ABCA2: variants seen among roughly 807,000 people sequenced by gnomAD.
ABCA2 encodes ATP-binding cassette sub-family A member 2.
In ABCA2, 84 loss-of-function variants were observed where a neutral mutation model predicts 262.8. The ratio of observed to expected loss-of-function variants is 0.32; its 90% confidence interval spans 0.27 to 0.38. The LOEUF (loss-of-function observed/expected upper bound fraction) is 0.38. Among genes scored for constraint, ABCA2 ranks in the 10% least tolerant of loss-of-function variants. The pLI is 1.00. For synonymous variants in ABCA2, 1,696 were observed against 1,502.9 expected, an observed-to-expected ratio of 1.13 and a Z score of -2.97; for missense variants, 2,662 against 3,405.9, an observed-to-expected ratio of 0.78 and a Z score of 5.44.
At position 137,018,203 on chromosome 9, in the gene ABCA2, G is replaced by A; in HGVS notation, c.1968C>T (p.Phe656=). The stretch of plus-strand genomic sequence containing the variant: ...CCTGGATCCAGACGAAGCCGTAGAG[G>A]AAGTAGAAGCGGCCGCCAGTATTGG... ...PGPNTGGRFY[F]LYGFVWIQDM... The change falls in exon 14 of 49, where the codon TTC becomes TTT. Residue 656 remains phenylalanine, a synonymous_variant. Coordinates refer to ENST00000341511, the MANE Select transcript of ABCA2 (RefSeq NM_001606.5). The A allele has an allele frequency of 6.2e-7, 1 of 1,611,842 alleles. No individual in the cohort carries two copies. Among genetic ancestry groups the A allele is most frequent in the South Asian group, 1.1e-5 (1 of 91,050 alleles).
chr9:137,012,196 G>GCCCCAGCTCCT (rs1831075412), intron 33 of ABCA2, 34 bp from the exon 34 acceptor site: 1 of 1,609,286 alleles, frequency 6.2e-7, no homozygotes, highest in Non-Finnish European at 8.5e-7. Context: ...GCAGCTTCAG[G>GCCCCAGCTCCT]CCCCAGCTCC....
chr9:137,021,694 C>G lies in ABCA2; in HGVS notation c.679-84G>C. 1 of 1,431,678 alleles carries G rather than the reference C, an allele frequency of 7.0e-7. No individual in the cohort carries two copies. Among genetic ancestry groups the G allele is most frequent in the Non-Finnish European group, 9.5e-7 (1 of 1,056,858 alleles). 88.7% of individuals were successfully genotyped at this position (1,431,678 alleles called of 1,614,324 possible). ...GGCCTCAGGCCTCACCCTGCCCCAC[C>G]CACTGGCTGGCTCTGGGGCTGCCTG... On this transcript the variant is annotated intron_variant, in intron 7 of 48. Transcript: ENST00000341511. The surrounding 1 kb of genome is among the most constrained non-coding windows in gnomAD (Gnocchi z 6.0).
At chr9:137,007,995 C>A in intron 48 of ABCA2, 31 bp from the exon 49 acceptor site, 4 of 1,593,620 alleles carry the variant, frequency 2.5e-6, no homozygotes, top group Non-Finnish European at 3.4e-6. Context: ...GCTTATGGGG[C>A]ATCCTGTGCC....
intron 20 of ABCA2, 28 bp downstream of exon 20, chr9:137,016,546 C>T (rs1233680465): frequency 1.2e-6 from 2 of 1,612,236 alleles, no homozygotes; most frequent in South Asian, 2.2e-5. Flanking sequence ...AGCGCCCACC[C>T]CAGCCACCAT....
In ABCA2 at chr9:137,022,734, C is replaced by T; in HGVS notation, c.407G>A (p.Gly136Asp). ...TCTGTCCAGGTGGCTCCCCGAGGTG[C>T]CCGGGCCCGCACTGAGGGCCTCCAG... ...QHLEALSAGP[G>D]TSGSHLDRST... The change falls in exon 5 of 49, where the codon GGC becomes GAC. Residue 136 changes from glycine to aspartate, a missense_variant. Coordinates refer to ENST00000341511, the MANE Select transcript of ABCA2 (RefSeq NM_001606.5). The T allele has an allele frequency of 6.2e-7, 1 of 1,605,956 alleles. No individual in the cohort carries two copies. Among genetic ancestry groups the T allele is most frequent in the Non-Finnish European group, 8.5e-7 (1 of 1,178,188 alleles).
At position 137,015,411 on chromosome 9, in the gene ABCA2, G is replaced by A. The variant is rs1031453615; in HGVS notation, c.3697+3C>T. 1 of 1,558,042 alleles carries A rather than the reference G, an allele frequency of 6.4e-7. No homozygotes were observed. The highest frequency in any genetic ancestry group is 8.7e-7 in the Non-Finnish European group (1 of 1,152,238). On this transcript the variant is annotated splice_donor_region_variant and intron_variant, in intron 24 of 48. Transcript: ENST00000341511. ...AGCCAGCTCAGGCAGCTTCAACACAGACCTTGGGGGCCCCCCGGCTCGGCG... is the reference window on the plus strand; with the variant it reads ...AGCCAGCTCAGGCAGCTTCAACACAAACCTTGGGGGCCCCCCGGCTCGGCG...
At chr9:137,020,519 G>T (rs772777568) in intron 9 of ABCA2, 24 bp from the exon 10 acceptor site, 2 of 1,566,794 alleles carry the variant, frequency 1.3e-6, no homozygotes, top group South Asian at 2.3e-5. Context: ...CAGGGGGCCG[G>T]GCCAGGCCGT....
rs759052439 is a variant in ABCA2, at chr9:137,008,449, C to T, written c.7242G>A (p.Glu2414=). 2 of 1,556,670 alleles carry T rather than the reference C, an allele frequency of 1.3e-6. No individual in the cohort carries two copies. Among genetic ancestry groups the T allele is most frequent in the Middle Eastern group, 3.3e-4 (2 of 6,002 alleles). Residue 2414 remains glutamate, a synonymous_variant, in exon 48 of 49, where the codon GAG becomes GAA. Transcript: ENST00000341511. Reference sequence around the variant, plus strand: ...CCTCGAAGCTGATGAGGCCCTCGTCCTCCGTGTCCAGGTCCTCGGGCTCGT... The same window carrying T: ...CCTCGAAGCTGATGAGGCCCTCGTCTTCCGTGTCCAGGTCCTCGGGCTCGT... ...VADEPEDLDT[E]DEGLISFEEE...
At chr9:137,025,407 C>T (rs1239610437) in intron 1 of ABCA2, among the ~76,000 whole-genome samples, 1 of 152,208 alleles carries the variant, frequency 6.6e-6, no homozygotes. Flanking sequence ...GCACCCAGCT[C>T]GGAGGCATCC....
chr9:137,018,909 C>T lies in ABCA2; in HGVS notation c.1716G>A (p.Met572Ile). 4 of 1,612,478 alleles carry T rather than the reference C, an allele frequency of 2.5e-6. No homozygotes were observed. In the East Asian group the frequency reaches 8.9e-5, roughly 36 times the overall value. ...CGGAGGCCCCACCGCTCACCTTGGA[C>T]ATGAACTGGATCCAGCCGCAGGCCG... ...DNAACGWIQFMSKVSVDIFKG... is the reference protein window; with the variant it reads ...DNAACGWIQFISKVSVDIFKG... Residue 572 changes from methionine (M) to isoleucine (I), a missense_variant, in exon 12 of 49, where the codon ATG becomes ATA. By Grantham distance (10) the Met-to-Ile change is conservative. This residue lies in a region of ABCA2 where 187 missense variants were observed against 205.9 expected (regional missense o/e 0.91). Transcript: ENST00000341511.
At position 137,022,029 on chromosome 9, in the gene ABCA2, T is replaced by TGGGGGTGTGGCTCAGAC. The variant is rs374729318; in HGVS notation, c.568-29_568-28insGTCTGAGCCACACCCCC. 3 of 1,188,016 alleles carry TGGGGGTGTGGCTCAGAC rather than the reference T, an allele frequency of 2.5e-6. 1 individual carries two copies. The highest frequency in any genetic ancestry group is 1.4e-5 in the South Asian group (1 of 73,908). The allele number at this position is 1,188,016 out of a possible 1,614,324, so 73.6% of individuals were successfully genotyped here. A position where few individuals can be genotyped will look rare whatever the true frequency, so the allele number is the denominator to read the frequency against. ...AGGAGGTGTGGGGGAATGGCTCAGA[T>TGGGGGTGTGGCTCAGAC]GGGGTGTGGGGGGCGTGGCTCAGAT... On this transcript the variant is annotated intron_variant, in intron 6 of 48. Transcript: ENST00000341511.
At chr9:137,026,979 C>T (rs1339031028) in intron 1 of ABCA2, among the ~76,000 whole-genome samples, 1 of 152,256 alleles carries the variant, frequency 6.6e-6, no homozygotes, top group African/African-American at 2.4e-5. Flanking sequence ...ATTCTGCCAG[C>T]CATGGTGATG....
intron 39 of ABCA2, 88 bp downstream of exon 39, chr9:137,010,885 C>CG: frequency 2.8e-6 from 2 of 714,988 alleles, no homozygotes; most frequent in Non-Finnish European, 4.6e-6. Context: ...TGCCCCATCC[C>CG]TGCCCCCACC....
Position 137,024,909 on chromosome 9 carries a change from T to C in ABCA2, c.67-673A>G, listed in dbSNP as rs186459808. Among the ~76,000 whole-genome samples the C allele has an allele frequency of 1.1e-4, 17 of 152,056 alleles. No individual in the cohort carries two copies. The East Asian group carries it at 2.1e-3, about 19-fold the overall frequency. ...CGTCCCCCAAGTTCACACCATTCTC[T>C]TGCCTCAGCCTCTCGAGTAGCTGGG... is the stretch of plus-strand genomic sequence containing the variant. On this transcript the variant is annotated intron_variant, in intron 1 of 48. Coordinates refer to ENST00000341511, the MANE Select transcript of ABCA2 (RefSeq NM_001606.5).
chr9:137,022,592 C>A, intron 5 of ABCA2, 110 bp downstream of exon 5: 1 of 1,557,212 alleles, frequency 6.4e-7, no homozygotes. Flanking sequence ...CTGTGCGTGG[C>A]TGGGAACTCA....
At chr9:137,017,732 G>A in intron 16 of ABCA2, 40 bp from the exon 17 acceptor site, 1 of 1,608,686 alleles carries the variant, frequency 6.2e-7, no homozygotes, top group South Asian at 1.1e-5. Context: ...CCCCGGGGAG[G>A]ACGCCGCCCC....
rs778364881 is a variant in ABCA2, at chr9:137,015,502, G to A, written c.3609C>T (p.Cys1203=). 2.4e-5 allele frequency: 38 copies of A among 1,611,920 alleles called. No individual in the cohort carries two copies. Among genetic ancestry groups the A allele is most frequent in the African/African-American group, 6.7e-5 (5 of 74,908 alleles). Residue 1203 remains cysteine, a synonymous_variant, in exon 24 of 49, where the codon TGC becomes TGT. Transcript: ENST00000341511. ...TGCCCTTGAGGAAGAGCGGGGAGCC[G>A]CAGCACTTGAGCTTCCCATGGGAGA... ...AIISHGKLKC[C]GSPLFLKGTY...
chr9:137,027,935 G>C (rs1446077629), intron 1 of ABCA2, 140 bp downstream of exon 1: 2 of 243,436 alleles, frequency 8.2e-6, no homozygotes, highest in Non-Finnish European at 1.3e-5. Context: ...CCGGCGGGGA[G>C]GGGGCTCGGG....
chr9:137,011,897 C>G lies in ABCA2; in HGVS notation c.5482G>C (p.Val1828Leu). The G allele has an allele frequency of 1.9e-6, 3 of 1,612,090 alleles. No individual in the cohort carries two copies. Among genetic ancestry groups the G allele is most frequent in the Non-Finnish European group, 2.5e-6 (3 of 1,179,638 alleles). ...KSTKAKHLQF[V>L]SGCNPIIYWL... ...TAGATGATGGGGTTGCAGCCGCTGA[C>G]AAACTGCAGGTGCTTGGCCTTGGTG... Residue 1828 changes from valine to leucine, a missense_variant, in exon 35 of 49, where the codon GTC (valine) becomes CTC (leucine). This residue lies in a region of ABCA2 where 602 missense variants were observed against 897.4 expected (regional missense o/e 0.67). Transcript: ENST00000341511. The surrounding 1 kb of genome is among the most constrained non-coding windows in gnomAD (Gnocchi z 8.8).
Sources: allele counts gnomAD v4.1 joint callset (sites outside exome capture counted in the v4.1 genomes callset), GRCh38; gene constraint gnomAD v4.1.1; regional missense constraint gnomAD v4.1.1; non-coding constraint Gnocchi (gnomAD v3.1); transcripts MANE v1.5; gene names NCBI Gene and HGNC (gene_info 2026-07-23, HGNC 2026-07-21).